The following KIAA1671 variants were observed in gnomAD, a reference collection of about 807,000 sequenced individuals.
KIAA1671 encodes the protein uncharacterized protein KIAA1671.
In KIAA1671, 52 loss-of-function variants were observed where a neutral mutation model predicts 131.2. The ratio of observed to expected loss-of-function variants is 0.40; its 90% CI spans 0.32 to 0.50. KIAA1671 has a LOEUF of 0.50. KIAA1671 is among the 20% of genes least tolerant of loss of function. The probability of loss-of-function intolerance (pLI) is 0.73; values close to 1 mark genes in which losing one functional copy is unlikely to be tolerated. For missense variants in KIAA1671, 2,360 were observed against 2,364.2 expected (o/e 1.00, Z 0.04); for synonymous variants, 1,003 against 961.6 (o/e 1.04, Z -0.80).
chr22:25,128,486 T>A (rs1932284123), intron 6 of KIAA1671, among the ~76,000 whole-genome samples: 1 of 152,154 alleles, frequency 6.6e-6, no homozygotes, highest in Admixed American at 6.5e-5. Flanking sequence ...AATTTCCTGT[T>A]CAACAGCAAC....
At chr22:24,984,019 C>T (rs1923375186) in intron 1 of KIAA1671, among the ~76,000 whole-genome samples, 1 of 152,118 alleles carries the variant, frequency 6.6e-6, no homozygotes, top group Non-Finnish European at 1.5e-5. Context: ...CTCAGGTGAT[C>T]TGCCCGCCTC....
chr22:25,137,457 T>A (rs1480002021), intron 6 of KIAA1671, among the ~76,000 whole-genome samples: 1 of 152,252 alleles, frequency 6.6e-6, no homozygotes, highest in Non-Finnish European at 1.5e-5. Flanking sequence ...TTATTCATGA[T>A]GACTGTCCTT....
At chr22:25,027,707 C>G (rs1364529485) in intron 2 of KIAA1671, among the ~76,000 whole-genome samples, 1 of 152,144 alleles carries the variant, frequency 6.6e-6, no homozygotes, top group African/African-American at 2.4e-5. Flanking sequence ...AGTGTTGATG[C>G]CTTTTCTACA....
At chr22:25,126,152 T>C (rs1414990655) in intron 6 of KIAA1671, among the ~76,000 whole-genome samples, 1 of 152,214 alleles carries the variant, frequency 6.6e-6, no homozygotes, top group Non-Finnish European at 1.5e-5. Context: ...CTTCACGGTC[T>C]ATTAATTCCC....
chr22:25,049,476 AGGGCAGCAGGCAACT>A, intron 6 of KIAA1671, 112 bp downstream of exon 6: 1 of 1,230,756 alleles, frequency 8.1e-7, no homozygotes, highest in South Asian at 1.6e-5. Context: ...GACGGGGTTG[AGGGCAGCAGGCAACT>A]GTCCAGGAAT....
At chr22:25,174,579 A>G (rs1933961698) in intron 8 of KIAA1671, 90 bp downstream of exon 8, 11 of 1,416,260 alleles carry the variant, frequency 7.8e-6, no homozygotes, top group Non-Finnish European at 1.0e-5. Context: ...TCTGTGTGCC[A>G]GGGACCCTTG....
rs149587328 is a variant in KIAA1671 at position 25,147,079 on chromosome 22, C to T, written c.4531-23741C>T. 2.3e-3 allele frequency among the ~76,000 whole-genome samples: 352 copies of T among 152,206 alleles called. 1 individual carries two copies. The highest frequency in any genetic ancestry group is 8.3e-3 in the African/African-American group (343 of 41,528). On this transcript the variant is annotated intron_variant, in intron 6 of 12. Transcript: ENST00000358431. Reference sequence around the variant, plus strand: ...AGAGGGAGGGAGGGTGAGGGATGCTCCACCCCCTTCCTTGCTCCTTGATCC... The same window carrying T: ...AGAGGGAGGGAGGGTGAGGGATGCTTCACCCCCTTCCTTGCTCCTTGATCC...
chr22:25,152,807 G>C (rs752707743), intron 6 of KIAA1671, among the ~76,000 whole-genome samples: 162 of 152,196 alleles, frequency 1.1e-3, no homozygotes, highest in Non-Finnish European at 1.9e-3. Context: ...GTTTCACCAT[G>C]TTGGCCAGGC....
intron 6 of KIAA1671, chr22:25,058,097 AACTC>A (rs1435798188): frequency 6.6e-6 from 1 of 152,216 alleles, no homozygotes; most frequent in East Asian, 1.9e-4. Context: ...AAATGGAAAT[AACTC>A]ACTCAGGGAG....
chr22:25,163,364 TACATTTTCTAG>T (rs1933520843), intron 6 of KIAA1671, among the ~76,000 whole-genome samples: 1 of 118,272 alleles, frequency 8.5e-6, no homozygotes. Flanking sequence ...TTTTTTTTTT[TACATTTTCTAG>T]TTTATGGCAG....
At chr22:24,981,090 T>G (rs73879174) in intron 1 of KIAA1671, among the ~76,000 whole-genome samples, 37 of 124,990 alleles carry the variant, frequency 3.0e-4, no homozygotes, top group East Asian at 9.5e-4. Context: ...GTGTGTGTGT[T>G]TTTACTGTAT....
intron 4 of KIAA1671, among the ~76,000 whole-genome samples, chr22:25,034,903 A>C (rs1232332424): frequency 6.7e-6 from 1 of 148,852 alleles, no homozygotes; most frequent in Non-Finnish European, 1.5e-5. Flanking sequence ...ACGCCTGGCT[A>C]ATTTTTTGTA....
intron 1 of KIAA1671, among the ~76,000 whole-genome samples, chr22:24,991,110 T>G (rs1025928395): frequency 5.3e-5 from 8 of 152,036 alleles, no homozygotes; most frequent in African/African-American, 1.9e-4. Context: ...ACCTCCGCCT[T>G]CCGGGTTCAA....
chr22:25,170,208 C>T (rs754823559), intron 6 of KIAA1671, among the ~76,000 whole-genome samples: 2 of 152,082 alleles, frequency 1.3e-5, no homozygotes, highest in African/African-American at 2.4e-5. Context: ...CCACCATGCC[C>T]GGCCGTAATT....
chr22:24,972,833 G>A lies in KIAA1671; in HGVS notation c.-208+20061G>A, dbSNP rs555947113. 6.2e-4 allele frequency among the ~76,000 whole-genome samples: 94 copies of A among 152,306 alleles called. 1 individual carries two copies. Among genetic ancestry groups the A allele is most frequent in the Non-Finnish European group, 7.5e-4 (51 of 68,026 alleles). ...TGGGGAGAAGCAGGCACAAAAGTCC[G>A]TTCATAAACCAGAACTTCAGATAAT... On this transcript the variant is annotated intron_variant, in intron 1 of 12. Transcript: ENST00000358431.
rs1925546174 is a variant in KIAA1671 at position 25,019,588 on chromosome 22, G to A, written c.-207-6045G>A. ...AAATTTATCAACAAGTCCAACCCAGGTCTCCAACATGTTTTTTTTTTTCCA... is the reference window on the plus strand; with the variant it reads ...AAATTTATCAACAAGTCCAACCCAGATCTCCAACATGTTTTTTTTTTTCCA... On this transcript the variant is annotated intron_variant, in intron 1 of 12. Transcript: ENST00000358431. 2.0e-5 allele frequency among the ~76,000 whole-genome samples: 3 copies of A among 150,856 alleles called. No homozygotes were observed. In the South Asian group the frequency reaches 6.3e-4, roughly 32 times the overall value.
chr22:25,033,048 T>C (rs1281598246), intron 4 of KIAA1671, among the ~76,000 whole-genome samples: 2 of 152,118 alleles, frequency 1.3e-5, no homozygotes, highest in Non-Finnish European at 2.9e-5. Flanking sequence ...TTCATAGTGG[T>C]TCTTATTGCC....
At position 25,129,431 on chromosome 22, in the gene KIAA1671, C is replaced by T. The variant is rs1036698987; in HGVS notation, c.4531-41389C>T. 2.1e-4 allele frequency among the ~76,000 whole-genome samples: 31 copies of T among 151,032 alleles called. No homozygotes were observed. In the East Asian group the frequency reaches 2.8e-3, roughly 13 times the overall value. ...CTGAGGCAGGCGAATCACTTGAACC[C>T]GGGAGGCAGAGGTTTCAGTGAGCCG... On this transcript the variant is annotated intron_variant, in intron 6 of 12. Transcript: ENST00000358431.
At chr22:25,189,994 C>T (rs1934617169) in intron 11 of KIAA1671, among the ~76,000 whole-genome samples, 3 of 152,130 alleles carry the variant, frequency 2.0e-5, no homozygotes, top group Admixed American at 2.0e-4. Flanking sequence ...CTTTTTGGCA[C>T]CATGGACCAG....
Sources: gnomAD v4.1 joint callset for allele counts (sites outside exome capture counted in the v4.1 genomes callset) on GRCh38, gnomAD v4.1.1 for gene constraint, MANE v1.5 for transcripts, NCBI Gene and HGNC (gene_info 2026-07-23, HGNC 2026-07-21) for gene names.